ABCG1: variants seen among roughly 807,000 people sequenced by gnomAD.
ABCG1 encodes the protein ATP binding cassette subfamily G member 1, also known as ATP-binding cassette sub-family G member 1.
A neutral mutation model predicts 69.2 loss-of-function variants in ABCG1; 29 were observed. The observed-to-expected ratio is 0.42, with a 90% CI of 0.31 to 0.57. The LOEUF (loss-of-function observed/expected upper bound fraction) is 0.57. Among genes scored for constraint, ABCG1 ranks in the 20% least tolerant of loss-of-function variants. The pLI is 0.15. For missense variants in ABCG1, 718 were observed against 898.1 expected, an observed-to-expected ratio of 0.80 and a Z score of 2.56; for synonymous variants, 370 against 374.8, an observed-to-expected ratio of 0.99 and a Z score of 0.15.
At chr21:42,256,126 G>A in intron 2 of ABCG1, 4 of 1,373,988 alleles carry the variant, frequency 2.9e-6, no homozygotes, top group African/African-American at 1.5e-5. Context: ...ACCTTCCCAA[G>A]CCTCTCCCTG....
intron 2 of ABCG1, among the ~76,000 whole-genome samples, chr21:42,267,479 G>A (rs984715190): frequency 1.3e-5 from 2 of 151,064 alleles, no homozygotes; most frequent in East Asian, 1.9e-4. Context: ...TTCTGTCTGG[G>A]TCTGATCTGG....
chr21:42,221,031 G>GC (rs754098914), intron 1 of ABCG1: 2 of 152,120 alleles, frequency 1.3e-5, no homozygotes, highest in African/African-American at 4.8e-5. Flanking sequence ...TTGATAATAT[G>GC]CCCCCGGAGC....
chr21:42,202,468 C>T (rs554466702), intron 2 of ABCG1, among the ~76,000 whole-genome samples: 1 of 151,984 alleles, frequency 6.6e-6, no homozygotes, highest in East Asian at 1.9e-4. Context: ...AAACCGGGGG[C>T]CGGCAGGTTA....
chr21:42,219,111 G>A (rs944166818), upstream of ABCG1: 4 of 699,018 alleles, frequency 5.7e-6, no homozygotes, highest in Non-Finnish European at 7.6e-6. This position sits in a 1 kb window ranked among gnomAD's most constrained non-coding sequence, Gnocchi z 5.3. Flanking sequence ...CGGGCGCGCT[G>A]GAACCAGAGC....
chr21:42,220,140 C>G (rs567869270), intron 1 of ABCG1: 14 of 1,119,028 alleles, frequency 1.3e-5, no homozygotes, highest in East Asian at 2.6e-5. Flanking sequence ...CCCCCAGCCA[C>G]CCACCTCACC....
At position 42,296,624 on chromosome 21, in the gene ABCG1, GT is replaced by G. The variant is rs55913235; in HGVS notation, c.*245del. 10,307 of 428,918 alleles carry G rather than the reference GT, an allele frequency of 0.024. No individual in the cohort carries two copies. The highest frequency in any genetic ancestry group is 0.036 in the South Asian group (1,291 of 35,490). The allele number at this position is 428,918 out of a possible 1,614,324, so 26.6% of individuals were successfully genotyped here. A position where few individuals can be genotyped will look rare whatever the true frequency, so the allele number is the denominator to read the frequency against. On this transcript the variant is annotated 3_prime_UTR_variant, in exon 15 of 15. Coordinates refer to ENST00000398449, the MANE Select transcript of ABCG1 (RefSeq NM_016818.3). The surrounding 1 kb of genome is among the most constrained non-coding windows in gnomAD (Gnocchi z 5.4). ...CTAGGAAGATGTAGGCAGATTGGTG[GT>G]TTTTTTTTTTTTAACATACAGAATT...
upstream of ABCG1, among the ~76,000 whole-genome samples, chr21:42,218,934 G>A (rs1011461527): frequency 2.0e-5 from 3 of 152,170 alleles, no homozygotes; most frequent in Non-Finnish European, 4.4e-5. Flanking sequence ...TTCCGGGGTG[G>A]CAGGGGGTTC....
At position 42,206,383 on chromosome 21, in the gene ABCG1, T is replaced by TAAATAAATAAAC. The variant is rs1328444561; in HGVS notation, c.48+4663_48+4664insTAAATAAACAAA. Among the ~76,000 whole-genome samples the TAAATAAATAAAC allele has an allele frequency of 3.2e-3, 460 of 144,416 alleles. 1 individual carries two copies. The highest frequency in any genetic ancestry group is 0.011 in the African/African-American group (425 of 37,650). The allele number at this position is 144,416 out of a possible 152,430, so 94.7% of individuals were successfully genotyped here. A position where few individuals can be genotyped will look rare whatever the true frequency, so the allele number is the denominator to read the frequency against. Reference sequence around the variant, plus strand: ...ATAAATAAATAAATAAATAAATAAATAAACAAACAAACAAACAAACACAAT... The same window carrying TAAATAAATAAAC: ...ATAAATAAATAAATAAATAAATAAATAAATAAATAAACAAACAAACAAACAAACAAACACAAT... On this transcript the variant is annotated intron_variant, in intron 2 of 15. Coordinates refer to the ABCG1 transcript ENST00000398457.
intron 2 of ABCG1, among the ~76,000 whole-genome samples, chr21:42,269,351 G>C (rs1238254476): frequency 6.6e-6 from 1 of 152,208 alleles, no homozygotes; most frequent in East Asian, 1.9e-4. Context: ...CAGCTCCTCT[G>C]TCTGCCTGTC....
chr21:42,248,450 G>A (rs898637449), intron 2 of ABCG1, among the ~76,000 whole-genome samples: 1 of 152,202 alleles, frequency 6.6e-6, no homozygotes, highest in Admixed American at 6.5e-5. Flanking sequence ...TGCCACAGAC[G>A]TTGTTTGGCT....
intron 2 of ABCG1, among the ~76,000 whole-genome samples, chr21:42,231,842 G>C (rs1349909828): frequency 6.6e-6 from 1 of 152,234 alleles, no homozygotes; most frequent in East Asian, 1.9e-4. Context: ...GGGCTTTCTT[G>C]TGGGCCCACA....
intron 2 of ABCG1, among the ~76,000 whole-genome samples, chr21:42,233,743 C>T (rs1257339731): frequency 6.6e-6 from 1 of 152,254 alleles, no homozygotes; most frequent in Non-Finnish European, 1.5e-5. Context: ...AGGTGGGCAT[C>T]ACTGCGGCAT....
chr21:42,229,357 G>C (rs1248537484), intron 2 of ABCG1, among the ~76,000 whole-genome samples: 1 of 152,172 alleles, frequency 6.6e-6, no homozygotes, highest in Non-Finnish European at 1.5e-5. Flanking sequence ...TAATGATCAC[G>C]CGGAGGCTGG....
intron 13 of ABCG1, 147 bp from the exon 14 acceptor site, chr21:42,294,395 G>A (rs2069162363): frequency 1.4e-6 from 1 of 696,982 alleles, no homozygotes; most frequent in Non-Finnish European, 2.6e-6. Context: ...CGGGAACGCT[G>A]CACCTTCTGC....
At chr21:42,283,257 A>G (rs1250606735) in intron 6 of ABCG1, among the ~76,000 whole-genome samples, 2 of 152,190 alleles carry the variant, frequency 1.3e-5, no homozygotes, top group Admixed American at 6.5e-5. Flanking sequence ...TTGGGCCTGC[A>G]CAGTAACAGC....
At position 42,225,689 on chromosome 21, in the gene ABCG1, G is replaced by T; in HGVS notation, c.61G>T (p.Ala21Ser). 6.2e-7 allele frequency: 1 copy of T among 1,612,950 alleles called. No homozygotes were observed. ...GTAMNASSYS[A>S]EMTEPKSVCV... ...TTTCTAGAATGCCAGCAGTTACTCT[G>T]CAGAGATGACGGAGCCCAAGTCGGT... The change falls in exon 2 of 15, where the codon GCA (alanine) becomes TCA (serine). Residue 21 changes from alanine to serine, a missense_variant. Coordinates refer to ENST00000398449, the MANE Select transcript of ABCG1 (RefSeq NM_016818.3).
intron 2 of ABCG1, among the ~76,000 whole-genome samples, chr21:42,248,038 C>T (rs2068159184): frequency 6.6e-6 from 1 of 151,968 alleles, no homozygotes. Context: ...CCTGAGGTCA[C>T]TAATATTATA....
chr21:42,202,370 C>T (rs2067512940), intron 2 of ABCG1, among the ~76,000 whole-genome samples: 1 of 152,094 alleles, frequency 6.6e-6, no homozygotes, highest in Non-Finnish European at 1.5e-5. Context: ...CATGTATCCA[C>T]CCACTTTTCC....
At chr21:42,243,809 T>G (rs969241393) in intron 2 of ABCG1, among the ~76,000 whole-genome samples, 1 of 147,212 alleles carries the variant, frequency 6.8e-6, no homozygotes, top group African/African-American at 2.5e-5. Context: ...CCTCTTTATC[T>G]TTGGCTTTTT....
Sources: gnomAD v4.1 joint callset for allele counts (sites outside exome capture counted in the v4.1 genomes callset) on GRCh38, gnomAD v4.1.1 for gene constraint, Gnocchi (gnomAD v3.1) non-coding constraint, MANE v1.5 for transcripts, NCBI Gene and HGNC (gene_info 2026-07-23, HGNC 2026-07-21) for gene names.